Variants in MYO16 observed in about 807,000 individuals in gnomAD.
MYO16 encodes the protein unconventional myosin-XVI.
Under a neutral mutation model 205.3 loss-of-function variants are expected in MYO16, and 94 were observed. The ratio of observed to expected loss-of-function variants is 0.46; its 90% CI spans 0.39 to 0.54. The LOEUF (loss-of-function observed/expected upper bound fraction) is 0.54. MYO16 is among the 20% of genes least tolerant of loss of function. The pLI is 0.00. For missense variants in MYO16, 2,315 were observed against 2,387.5 expected, an observed-to-expected ratio of 0.97 and a Z score of 0.63; for synonymous variants, 988 against 954.0, an observed-to-expected ratio of 1.04 and a Z score of -0.66.
intron 4 of MYO16, among the ~76,000 whole-genome samples, chr13:108,755,506 A>G (rs559500116): frequency 6.6e-6 from 1 of 152,146 alleles, no homozygotes; most frequent in East Asian, 1.9e-4. Context: ...ATAATTATTA[A>G]CATCAAATAG....
intron 4 of MYO16, among the ~76,000 whole-genome samples, chr13:108,766,984 G>T (rs1317427525): frequency 6.6e-6 from 1 of 152,208 alleles, no homozygotes; most frequent in Admixed American, 6.5e-5. Context: ...CCTGGAAATA[G>T]ATAAATTGAA....
In MYO16 at chr13:109,140,228, C is replaced by G; in HGVS notation, c.4052-36C>G. ...GCTTGGTGGGCACCCGTGGGCCTGGCCTGGCACCCACTGACCGCGTCCTTT... is the reference window on the plus strand; with the variant it reads ...GCTTGGTGGGCACCCGTGGGCCTGGGCTGGCACCCACTGACCGCGTCCTTT... On this transcript the variant is annotated intron_variant, in intron 31 of 34. Transcript: ENST00000457511. This position sits in a 1 kb window ranked among gnomAD's most constrained non-coding sequence, Gnocchi z 8.0. 6.9e-6 allele frequency: 11 copies of G among 1,593,992 alleles called. No homozygotes were observed. The highest frequency in any genetic ancestry group is 9.3e-6 in the Non-Finnish European group (11 of 1,177,078).
intron 4 of MYO16, among the ~76,000 whole-genome samples, chr13:108,772,589 T>TG (rs1566597366): frequency 6.6e-6 from 1 of 151,448 alleles, no homozygotes; most frequent in African/African-American, 2.4e-5. Context: ...TCCTAAGCCT[T>TG]GGAAAAAAAA....
At chr13:108,920,241 G>A (rs933552754) in intron 16 of MYO16, among the ~76,000 whole-genome samples, 2 of 152,100 alleles carry the variant, frequency 1.3e-5, no homozygotes, top group African/African-American at 2.4e-5. Flanking sequence ...CTCTGAATTC[G>A]CTTCCAAAAT....
intron 27 of MYO16, among the ~76,000 whole-genome samples, chr13:109,060,203 A>G (rs6492162): frequency 0.014 from 2,146 of 152,334 alleles, 46 homozygotes; most frequent in African/African-American, 0.049. Context: ...TTATTTCAGC[A>G]CTATTTGCAA....
intron 21 of MYO16, among the ~76,000 whole-genome samples, chr13:109,007,539 C>CGTGTGTGTGTGT (rs71125360): frequency 7.5e-6 from 1 of 133,618 alleles, no homozygotes; most frequent in African/African-American, 2.9e-5. Context: ...AGAAATCAGC[C>CGTGTGTGTGTGT]GTGTGTGTGT....
rs374095283 is a variant in MYO16, at chr13:108,895,880, A to T, written c.1660-2136A>T. Among the ~76,000 whole-genome samples, 21 of 152,340 alleles carry T rather than the reference A, an allele frequency of 1.4e-4. No homozygotes were observed. The East Asian group carries it at 3.1e-3, about 22-fold the overall frequency. ...AAAATTCACTGTTGTTATTTGCTGA[A>T]TGTTTTCTCTGTGCCAGACGTAAAG... is the stretch of plus-strand genomic sequence containing the variant. On this transcript the variant is annotated intron_variant, in intron 14 of 34. Coordinates refer to ENST00000457511, the MANE Select transcript of MYO16 (RefSeq NM_001198950.3).
chr13:108,908,388 T>C (rs960635522), intron 15 of MYO16, among the ~76,000 whole-genome samples: 7 of 152,244 alleles, frequency 4.6e-5, no homozygotes, highest in African/African-American at 1.7e-4. Flanking sequence ...ATTGACCACT[T>C]ACTAAATGCA....
At chr13:108,909,917 C>G in intron 15 of MYO16, 86 bp from the exon 16 acceptor site, 2 of 1,366,464 alleles carry the variant, frequency 1.5e-6, no homozygotes, top group Admixed American at 4.0e-5. Flanking sequence ...GTCCTTGTAT[C>G]TCTTGTAATT....
chr13:109,013,394 C>G (rs1447924753), intron 22 of MYO16, among the ~76,000 whole-genome samples: 1 of 152,042 alleles, frequency 6.6e-6, no homozygotes, highest in Non-Finnish European at 1.5e-5. Flanking sequence ...GGTTCCAAGT[C>G]TTTGTATTGT....
At chr13:108,526,079 T>C in the MYO16 span, among the ~76,000 whole-genome samples, 1 of 152,130 alleles carries the variant, frequency 6.6e-6, no homozygotes, top group African/African-American at 2.4e-5. Context: ...TTGGCAGCTG[T>C]TCCTGCCCTT....
intron 15 of MYO16, among the ~76,000 whole-genome samples, chr13:108,908,166 G>C (rs1199754167): frequency 1.3e-5 from 2 of 152,102 alleles, no homozygotes; most frequent in Non-Finnish European, 2.9e-5. Flanking sequence ...CATCCACTGA[G>C]GTTTACTGCT....
At chr13:108,612,168 G>A (rs1879200961) in intron 1 of MYO16, among the ~76,000 whole-genome samples, 1 of 151,850 alleles carries the variant, frequency 6.6e-6, no homozygotes, top group African/African-American at 2.4e-5. Context: ...CCATTTAGTT[G>A]ACTCTTCTGC....
At chr13:108,798,068 G>GGTT (rs1256591079) in intron 6 of MYO16, among the ~76,000 whole-genome samples, 1 of 122,478 alleles carries the variant, frequency 8.2e-6, no homozygotes, top group Non-Finnish European at 1.8e-5. Context: ...CAAAAGGCTA[G>GGTT]GATGCTGTCC....
At chr13:108,683,857 T>A (rs1882564133) in intron 2 of MYO16, among the ~76,000 whole-genome samples, 1 of 152,202 alleles carries the variant, frequency 6.6e-6, no homozygotes, top group African/African-American at 2.4e-5. Context: ...CCTCTGGCGA[T>A]TCTGAAGGAG....
chr13:108,786,727 G>A (rs1451189938), intron 5 of MYO16, among the ~76,000 whole-genome samples: 1 of 152,228 alleles, frequency 6.6e-6, no homozygotes, highest in Non-Finnish European at 1.5e-5. Flanking sequence ...CAAGGTAGGT[G>A]TGGTTACCAC....
chr13:108,953,234 A>T (rs1883222099), intron 16 of MYO16, among the ~76,000 whole-genome samples: 1 of 152,222 alleles, frequency 6.6e-6, no homozygotes, highest in Admixed American at 6.5e-5. Flanking sequence ...TATCTGTCTG[A>T]GGAGTATAGA....
At chr13:109,017,368 C>T (rs987302386) in intron 22 of MYO16, among the ~76,000 whole-genome samples, 4 of 152,168 alleles carry the variant, frequency 2.6e-5, no homozygotes, top group African/African-American at 9.7e-5. Flanking sequence ...TTGTGGGTAA[C>T]CCGACCTTTC....
chr13:109,038,348 T>C (rs9559470), intron 23 of MYO16, among the ~76,000 whole-genome samples: 86,676 of 151,876 alleles, frequency 0.57, 25,256 homozygotes, highest in East Asian at 0.85. Context: ...GGGCACCACC[T>C]AATCCCTTGA....
Sources: allele counts gnomAD v4.1 joint callset (sites outside exome capture counted in the v4.1 genomes callset), GRCh38; gene constraint gnomAD v4.1.1; non-coding constraint Gnocchi (gnomAD v3.1); transcripts MANE v1.5; gene names NCBI Gene and HGNC (gene_info 2026-07-23, HGNC 2026-07-21).